The following VCAN variants were observed in gnomAD, a reference collection of about 807,000 sequenced individuals.
The protein encoded by VCAN is versican.
Under a neutral mutation model 245.5 loss-of-function variants are expected in VCAN, and 44 were observed. The observed-to-expected ratio is 0.18, with a 90% CI of 0.14 to 0.23. VCAN has a LOEUF of 0.23. Ranked by LOEUF, VCAN falls within the 10% of genes least tolerant of loss-of-function variation. The probability of loss-of-function intolerance (pLI) is 1.00; values close to 1 mark genes in which losing one functional copy is unlikely to be tolerated. For synonymous variants in VCAN, 1,413 were observed against 1,437.0 expected (o/e 0.98, Z 0.38); for missense variants, 3,793 against 4,057.9 (o/e 0.93, Z 1.77).
chr5:83,528,616 C>T (rs1189065581), intron 7 of VCAN, among the ~76,000 whole-genome samples: 1 of 152,134 alleles, frequency 6.6e-6, no homozygotes, highest in African/African-American at 2.4e-5. Context: ...ACAGCATGTT[C>T]TGTGGGTTAA....
At chr5:83,555,937 G>A (rs1747651151) in intron 12 of VCAN, among the ~76,000 whole-genome samples, 1 of 152,032 alleles carries the variant, frequency 6.6e-6, no homozygotes, top group Non-Finnish European at 1.5e-5. Context: ...AATTTTAAAG[G>A]CCTTTTTGTG....
chr5:83,540,965 A>G lies in VCAN; in HGVS notation c.7962A>G (p.Ser2654=). The G allele has an allele frequency of 6.2e-7, 1 of 1,614,080 alleles. No individual in the cohort carries two copies. The highest frequency in any genetic ancestry group is 1.3e-5 in the African/African-American group (1 of 75,016). Residue 2654 remains serine, a synonymous_variant, in exon 8 of 15, where the codon TCA becomes TCG. Coordinates refer to ENST00000265077, the MANE Select transcript of VCAN (RefSeq NM_004385.5). ...ACACTCAGGCAACACATGATGAATC[A>G]ATGACTTATGAAGATAGAAGCCAAC... ...ASYTQATHDE[S]MTYEDRSQLD...
Position 83,512,125 on chromosome 5 carries a change from C to T in VCAN, c.771C>T (p.Val257=). 1 of 1,614,130 alleles carries T rather than the reference C, an allele frequency of 6.2e-7. No homozygotes were observed. Among genetic ancestry groups the T allele is most frequent in the Non-Finnish European group, 8.5e-7 (1 of 1,180,032 alleles). ...CAGGTGATGTGTTCCACCTCACTGTCCCCAGTAAATTCACCTTCGAGGAGG... is the reference window on the plus strand; with the variant it reads ...CAGGTGATGTGTTCCACCTCACTGTTCCCAGTAAATTCACCTTCGAGGAGG... ...HLDGDVFHLT[V]PSKFTFEEAA... Residue 257 remains valine (V), a synonymous_variant, in exon 6 of 15, where the codon GTC becomes GTT. Coordinates refer to ENST00000265077, the MANE Select transcript of VCAN (RefSeq NM_004385.5).
At chr5:83,548,630 A>C (rs1747331416) in intron 10 of VCAN, among the ~76,000 whole-genome samples, 2 of 152,178 alleles carry the variant, frequency 1.3e-5, no homozygotes, top group South Asian at 4.1e-4. Flanking sequence ...GATGGCTTGA[A>C]TCTCATGATC....
Position 83,537,297 on chromosome 5 carries a change from G to A in VCAN, c.4294G>A (p.Gly1432Ser), listed in dbSNP as rs771867629. 6.2e-7 allele frequency: 1 copy of A among 1,613,940 alleles called. No individual in the cohort carries two copies. Among genetic ancestry groups the A allele is most frequent in the Admixed American group, 1.7e-5 (1 of 59,944 alleles). ...CCCAGAAGCTGCAGAAGCTAGGCGTGGCCAGTTTGAAAGTGTTGCACCTTC... is the reference window on the plus strand; with the variant it reads ...CCCAGAAGCTGCAGAAGCTAGGCGTAGCCAGTTTGAAAGTGTTGCACCTTC... Reference protein sequence around the residue: ...KDPEAAEARRGQFESVAPSQN... With the variant: ...KDPEAAEARRSQFESVAPSQN... Residue 1432 changes from glycine (G) to serine (S), a missense_variant, in exon 8 of 15, where the codon GGC becomes AGC. By Grantham distance (56) the Gly-to-Ser change is moderately conservative (BLOSUM62 0). Coordinates refer to ENST00000265077, the MANE Select transcript of VCAN (RefSeq NM_004385.5).
chr5:83,562,127 G>A (rs1050895532), intron 12 of VCAN: 15 of 152,080 alleles, frequency 9.9e-5, no homozygotes, highest in Admixed American at 9.2e-4. Flanking sequence ...ATTTCTCTGT[G>A]AACAAGTCAC....
In VCAN at chr5:83,545,532, G is replaced by A. The variant is rs770007700; in HGVS notation, c.9266-5G>A. On this transcript the variant is annotated splice_region_variant and splice_polypyrimidine_tract_variant and intron_variant, in intron 8 of 14. Coordinates refer to ENST00000265077, the MANE Select transcript of VCAN (RefSeq NM_004385.5). The stretch of plus-strand genomic sequence containing the variant: ...CTGCTTTTCTTACTTTCCTGAATAT[G>A]GTAGGACCTGATCGCTGCAAAATGA... 4 of 1,612,982 alleles carry A rather than the reference G, an allele frequency of 2.5e-6. No homozygotes were observed. The highest frequency in any genetic ancestry group is 2.2e-5 in the East Asian group (1 of 44,870).
intron 5 of VCAN, among the ~76,000 whole-genome samples, chr5:83,506,852 C>T (rs1052959626): frequency 6.6e-5 from 10 of 152,236 alleles, no homozygotes; most frequent in South Asian, 2.1e-4. Flanking sequence ...TACATGGCAG[C>T]GGCAAGAGAA....
rs533249110 is a variant in VCAN, at chr5:83,522,789, T to C, written c.4003+480T>C. ...CTTTGGTTTTTCTCTTCCAGGATTTTACAGGTTTATTATATGACTTGTGTG... is the reference window on the plus strand; with the variant it reads ...CTTTGGTTTTTCTCTTCCAGGATTTCACAGGTTTATTATATGACTTGTGTG... On this transcript the variant is annotated intron_variant, in intron 7 of 14. Coordinates refer to ENST00000265077, the MANE Select transcript of VCAN (RefSeq NM_004385.5). Among the ~76,000 whole-genome samples the C allele has an allele frequency of 3.3e-5, 5 of 152,352 alleles. No individual in the cohort carries two copies. In the South Asian group the frequency reaches 1.0e-3, roughly 32 times the overall value.
At position 83,554,996 on chromosome 5, in the gene VCAN, G is replaced by A. The variant is rs1311784798; in HGVS notation, c.9693G>A (p.Lys3231=). The change falls in exon 12 of 15, where the codon AAG becomes AAA. Residue 3231 remains lysine, a synonymous_variant. Transcript: ENST00000265077. ...ATCAGTGGATAGGCCTCAATGACAAGATGTTTGAGCATGACTTCCGTTGGA... is the reference window on the plus strand; with the variant it reads ...ATCAGTGGATAGGCCTCAATGACAAAATGTTTGAGCATGACTTCCGTTGGA... The part of the protein sequence containing the change: ...HDYQWIGLND[K]MFEHDFRWTD... The A allele has an allele frequency of 3.1e-6, 5 of 1,613,742 alleles. No homozygotes were observed. Among genetic ancestry groups the A allele is most frequent in the Non-Finnish European group, 4.2e-6 (5 of 1,179,720 alleles).
At position 83,478,086 on chromosome 5, in the gene VCAN, G is replaced by A. The variant is rs115326794; in HGVS notation, c.-6-5427G>A. On this transcript the variant is annotated intron_variant, in intron 1 of 14. Transcript: ENST00000265077. ...GCCTCCCTAGTAGCTGGGATTATGG[G>A]CACCCACCACCATGCTTGGCTAATT... 7.8e-3 allele frequency among the ~76,000 whole-genome samples: 1,183 copies of A among 151,916 alleles called. 5 individuals are homozygous for A. Among genetic ancestry groups the A allele is most frequent in the African/African-American group, 0.026 (1,063 of 41,404 alleles).
intron 10 of VCAN, among the ~76,000 whole-genome samples, chr5:83,552,510 CT>C (rs1430665873): frequency 1.3e-5 from 2 of 152,174 alleles, no homozygotes; most frequent in Non-Finnish European, 2.9e-5. Context: ...AACAATGCCA[CT>C]TTCTTGTGGA....
intron 13 of VCAN, among the ~76,000 whole-genome samples, chr5:83,579,034 T>C (rs1748572338): frequency 6.6e-6 from 1 of 152,200 alleles, no homozygotes; most frequent in East Asian, 1.9e-4. Flanking sequence ...TTTACCCTCA[T>C]TTGCCTGTCT....
rs1748637574 is a variant in VCAN, at chr5:83,580,517, A to C, written c.*83A>C. The stretch of plus-strand genomic sequence containing the variant: ...GCCTTTCCTATCACCTCGAGAAGTA[A>C]TTATCAGTTGGTTTGGATTTTTGGA... On this transcript the variant is annotated 3_prime_UTR_variant, in exon 15 of 15. Coordinates refer to ENST00000265077, the MANE Select transcript of VCAN (RefSeq NM_004385.5). The C allele has an allele frequency of 2.5e-6, 4 of 1,583,262 alleles. No homozygotes were observed. Among genetic ancestry groups the C allele is most frequent in the South Asian group, 1.1e-5 (1 of 87,340 alleles).
intron 2 of VCAN, among the ~76,000 whole-genome samples, chr5:83,489,333 G>C (rs1306221358): frequency 2.6e-5 from 4 of 152,162 alleles, no homozygotes; most frequent in Admixed American, 1.3e-4. Context: ...TTATTTTGCA[G>C]GTAATGGTGT....
At position 83,519,351 on chromosome 5, in the gene VCAN, A is replaced by G. The variant is rs61749613; in HGVS notation, c.1045A>G (p.Lys349Glu). Residue 349 changes from lysine (K) to glutamate (E), a missense_variant and splice_region_variant, in exon 7 of 15, where the codon AAA becomes GAA. Around this residue, in one of 5 missense-constraint regions of VCAN, gnomAD observed 190 missense variants for 288.6 expected, o/e 0.66. Transcript: ENST00000265077. ...SRFDAYCFKP[K>E]EATTIDLSIL... Reference sequence around the variant, plus strand: ...ACTCTTTGAAATTATTTTTCTAGCTAAAGAGGCTACAACCATCGATTTGAG... The same window carrying G: ...ACTCTTTGAAATTATTTTTCTAGCTGAAGAGGCTACAACCATCGATTTGAG... 0.037 allele frequency: 59,308 copies of G among 1,613,518 alleles called. 1,303 individuals carry two copies. The highest frequency in any genetic ancestry group is 0.06 in the Middle Eastern group (363 of 6,060).
intron 13 of VCAN, among the ~76,000 whole-genome samples, chr5:83,578,190 A>G (rs570328541): frequency 4.6e-5 from 7 of 152,246 alleles, no homozygotes; most frequent in African/African-American, 1.7e-4. Context: ...AGGAACATGG[A>G]TGGAGCTGGA....
Position 83,546,646 on chromosome 5 carries a change from G to A in VCAN, c.9379+996G>A, listed in dbSNP as rs1054058033. ...TAGTCCCAGCTACTTGGGAGGCTGA[G>A]GTGGAAAGATTGCTTAAGCCCAGAA... On this transcript the variant is annotated intron_variant, in intron 9 of 14. Coordinates refer to ENST00000265077, the MANE Select transcript of VCAN (RefSeq NM_004385.5). Among the ~76,000 whole-genome samples, 55 of 152,034 alleles carry A rather than the reference G, an allele frequency of 3.6e-4. 1 individual carries two copies. The highest frequency in any genetic ancestry group is 1.2e-3 in the African/African-American group (48 of 41,474).
intron 12 of VCAN, among the ~76,000 whole-genome samples, chr5:83,561,528 T>C (rs1747866439): frequency 6.6e-6 from 1 of 152,174 alleles, no homozygotes; most frequent in African/African-American, 2.4e-5. Context: ...ACTTAATACC[T>C]ACAATTTCCA....
Sources: allele counts gnomAD v4.1 joint callset (sites outside exome capture counted in the v4.1 genomes callset), GRCh38; gene constraint gnomAD v4.1.1; regional missense constraint gnomAD v4.1.1; transcripts MANE v1.5; gene names NCBI Gene and HGNC (gene_info 2026-07-23, HGNC 2026-07-21).